CDK5RAP1: variants seen among roughly 807,000 people sequenced by gnomAD.
CDK5RAP1 encodes CDK5RAP1 mitochondrial tRNA methylthiotransferase.
A neutral mutation model predicts 64.5 loss-of-function variants in CDK5RAP1; 62 were observed. The ratio of observed to expected loss-of-function variants is 0.96; its 90% CI spans 0.78 to 1.19. The LOEUF (loss-of-function observed/expected upper bound fraction) is 1.19, where lower values mean the gene tolerates loss of function less well. Among genes scored for constraint, CDK5RAP1 ranks in the 50% most tolerant of loss-of-function variants. CDK5RAP1 has a pLI of 0.00. For synonymous variants in CDK5RAP1, 250 were observed against 261.9 expected, an observed-to-expected ratio of 0.95 and a Z score of 0.44; for missense variants, 657 against 735.0, an observed-to-expected ratio of 0.89 and a Z score of 1.23.
intron 7 of CDK5RAP1, among the ~76,000 whole-genome samples, chr20:33,383,741 CA>C (rs34365439): frequency 9.0e-4 from 82 of 91,228 alleles, no homozygotes; most frequent in African/African-American, 2.1e-3. Flanking sequence ...AACTCTGTCT[CA>C]AAAAAAAAAA....
chr20:33,385,924 TA>T (rs1431784866), intron 6 of CDK5RAP1, among the ~76,000 whole-genome samples, 154 bp from the exon 7 acceptor site: 1 of 152,346 alleles, frequency 6.6e-6, no homozygotes, highest in Non-Finnish European at 1.5e-5. Context: ...AGCACTAAAG[TA>T]GACCTTTTTT....
chr20:33,360,139 C>A, intron 13 of CDK5RAP1: 1 of 550,600 alleles, frequency 1.8e-6, no homozygotes, highest in South Asian at 2.4e-5. Context: ...CCACAAAGAA[C>A]GCTTCCAGGG....
At chr20:33,387,627 G>C in intron 5 of CDK5RAP1, 94 bp from the exon 6 acceptor site, 1 of 1,000,402 alleles carries the variant, frequency 1.0e-6, no homozygotes, top group Non-Finnish European at 1.5e-6. Flanking sequence ...TGGGATTAGA[G>C]ACCAGGGCAC....
chr20:33,364,038 A>C (rs1983418356), intron 12 of CDK5RAP1, among the ~76,000 whole-genome samples: 1 of 152,210 alleles, frequency 6.6e-6, no homozygotes, highest in African/African-American at 2.4e-5. Context: ...TGGTAATATT[A>C]AGAAAATTAG....
At position 33,360,764 on chromosome 20, in the gene CDK5RAP1, A is replaced by C. The variant is rs571440406; in HGVS notation, c.1543-273T>G. On this transcript the variant is annotated intron_variant, in intron 12 of 13. Transcript: ENST00000346416. The stretch of plus-strand genomic sequence containing the variant: ...GCAGAACTGCCTTCTGCAGGAATGG[A>C]CCTCCAACAGGCCTAAAGCCAGAGA... 2.0e-5 allele frequency among the ~76,000 whole-genome samples: 3 copies of C among 152,298 alleles called. No individual in the cohort carries two copies. In the East Asian group the frequency reaches 5.8e-4, roughly 29 times the overall value.
intron 1 of CDK5RAP1, among the ~76,000 whole-genome samples, chr20:33,398,960 C>T (rs1405835324): frequency 6.6e-6 from 1 of 151,946 alleles, no homozygotes; most frequent in Non-Finnish European, 1.5e-5. Context: ...GAGGCTGAAC[C>T]TATACATGAC....
intron 6 of CDK5RAP1, 121 bp downstream of exon 6, chr20:33,387,202 G>T: frequency 1.4e-6 from 1 of 718,884 alleles, no homozygotes; most frequent in Non-Finnish European, 2.3e-6. Flanking sequence ...GCTGCAGTGA[G>T]CCCTGATCAT....
At chr20:33,395,851 T>TA (rs1988852424) in intron 2 of CDK5RAP1, among the ~76,000 whole-genome samples, 1 of 151,798 alleles carries the variant, frequency 6.6e-6, no homozygotes, top group African/African-American at 2.4e-5. Context: ...AGGTCTCCAC[T>TA]AAAAATACAA....
chr20:33,381,008 G>A (rs1323405353), intron 7 of CDK5RAP1, among the ~76,000 whole-genome samples: 5 of 152,024 alleles, frequency 3.3e-5, no homozygotes, highest in Non-Finnish European at 7.4e-5. Context: ...TCAAAAAATA[G>A]AAATGTTATA....
chr20:33,360,527 C>A (rs1320714212), intron 12 of CDK5RAP1, 36 bp from the exon 13 acceptor site: 3 of 1,587,910 alleles, frequency 1.9e-6, no homozygotes, highest in South Asian at 1.2e-5. Flanking sequence ...GTGGATTTGT[C>A]ACAGTTGTAA....
intron 12 of CDK5RAP1, among the ~76,000 whole-genome samples, chr20:33,366,040 C>A (rs982917363): frequency 1.3e-5 from 2 of 152,006 alleles, no homozygotes; most frequent in African/African-American, 4.8e-5. Context: ...GCTTTGTGGT[C>A]GAGAGCTGTG....
intron 7 of CDK5RAP1, among the ~76,000 whole-genome samples, chr20:33,384,021 T>C (rs1987106510): frequency 6.6e-6 from 1 of 152,246 alleles, no homozygotes. Flanking sequence ...GTATTTTTCA[T>C]ATAAAAAGAT....
intron 5 of CDK5RAP1, among the ~76,000 whole-genome samples, chr20:33,389,203 C>T (rs1448498208): frequency 6.6e-6 from 1 of 151,680 alleles, no homozygotes; most frequent in African/African-American, 2.4e-5. Flanking sequence ...GGCCACCCAT[C>T]GTCTGAGATG....
Position 33,396,898 on chromosome 20 carries a change from C to A in CDK5RAP1, c.167G>T (p.Ser56Ile). The A allele has an allele frequency of 4.3e-6, 7 of 1,614,220 alleles. No homozygotes were observed. The highest frequency in any genetic ancestry group is 5.9e-6 in the Non-Finnish European group (7 of 1,180,036). ...AGTCGGTCCAGCAGCCAGCCTGGAG[C>A]TGAAATCCTTCCGAGCTCCATCCTC... The part of the protein sequence containing the change: ...RQEDGARKDF[S>I]SRLAAGPTFQ... Residue 56 changes from serine (S) to isoleucine (I), a missense_variant, in exon 2 of 14, where the codon AGC becomes ATC. Ser to Ile is a moderately radical substitution (Grantham distance 142). Coordinates refer to ENST00000346416, the MANE Select transcript of CDK5RAP1 (RefSeq NM_016408.4).
At position 33,392,253 on chromosome 20, in the gene CDK5RAP1, C is replaced by T; in HGVS notation, c.444-11G>A. ...TGCTCAGCCTTCTCCCTAGAGAGAT[C>T]AAAGGAGGCAAGACTGAACCAAAAA... On this transcript the variant is annotated splice_polypyrimidine_tract_variant and intron_variant, in intron 4 of 13. Transcript: ENST00000346416. 1 of 1,567,908 alleles carries T rather than the reference C, an allele frequency of 6.4e-7. No homozygotes were observed. The highest frequency in any genetic ancestry group is 1.1e-5 in the South Asian group (1 of 88,672).
chr20:33,394,256 C>T (rs530885904), intron 3 of CDK5RAP1, among the ~76,000 whole-genome samples, 190 bp from the exon 4 acceptor site: 2 of 150,976 alleles, frequency 1.3e-5, no homozygotes, highest in Non-Finnish European at 3.0e-5. Flanking sequence ...ACCTCCCGAG[C>T]GGTTCAAGCA....
intron 5 of CDK5RAP1, among the ~76,000 whole-genome samples, chr20:33,389,285 G>A (rs1244624798): frequency 6.6e-6 from 1 of 151,880 alleles, no homozygotes; most frequent in African/African-American, 2.4e-5. Context: ...GACCCCGTCT[G>A]GGAGGTGAGG....
intron 1 of CDK5RAP1, among the ~76,000 whole-genome samples, chr20:33,400,043 G>C (rs1989257740): frequency 6.6e-6 from 1 of 152,018 alleles, no homozygotes; most frequent in East Asian, 1.9e-4. Context: ...GAGAGAACTT[G>C]TCTCAAAAAA....
Position 33,395,049 on chromosome 20 carries a change from C to T in CDK5RAP1, c.372G>A (p.Gln124=). ...NDTEIAWSIL[Q]KSGYLRTSNL... is the part of the protein sequence containing the mutation. ...TACTGGTCCGCAGGTAGCCACTCTT[C>T]TGTAAGATGGACCAGGCTATCTCTG... is the stretch of plus-strand genomic sequence containing the variant. Residue 124 remains glutamine (Q), a synonymous_variant, in exon 3 of 14, where the codon CAG becomes CAA. Transcript: ENST00000346416. The T allele has an allele frequency of 6.2e-7, 1 of 1,613,344 alleles. No individual in the cohort carries two copies. Among genetic ancestry groups the T allele is most frequent in the Non-Finnish European group, 8.5e-7 (1 of 1,179,274 alleles).
Sources: allele counts gnomAD v4.1 joint callset (sites outside exome capture counted in the v4.1 genomes callset), GRCh38; gene constraint gnomAD v4.1.1; transcripts MANE v1.5; gene names NCBI Gene and HGNC (gene_info 2026-07-23, HGNC 2026-07-21).